PKNOX2: variants seen among roughly 807,000 people sequenced by gnomAD.
PKNOX2 encodes homeobox protein PKNOX2.
Under a neutral mutation model 53.1 loss-of-function variants are expected in PKNOX2, and 14 were observed. The ratio of observed to expected loss-of-function variants is 0.26; its 90% CI spans 0.17 to 0.41. The LOEUF is 0.41. PKNOX2 is among the 10% of genes least tolerant of loss of function. The probability of loss-of-function intolerance (pLI) is 1.00; values close to 1 mark genes in which losing one functional copy is unlikely to be tolerated. For missense variants in PKNOX2, 496 were observed against 602.8 expected (o/e 0.82, Z 1.85); for synonymous variants, 257 against 242.8 (o/e 1.06, Z -0.54).
intron 5 of PKNOX2, among the ~76,000 whole-genome samples, chr11:125,383,445 TAAA>T (rs551704955): frequency 0.014 from 1,679 of 121,794 alleles, 38 homozygotes; most frequent in African/African-American, 0.045. Flanking sequence ...CCCTCTCTGC[TAAA>T]AAAAAAAAAA....
intron 7 of PKNOX2, among the ~76,000 whole-genome samples, chr11:125,405,831 C>T (rs909070365): frequency 3.3e-5 from 5 of 152,264 alleles, no homozygotes; most frequent in Non-Finnish European, 5.9e-5. Flanking sequence ...CCATGGAGCC[C>T]GGCGTGTTGG....
intron 10 of PKNOX2, among the ~76,000 whole-genome samples, chr11:125,421,152 G>A (rs1350341772): frequency 6.6e-6 from 1 of 152,154 alleles, no homozygotes; most frequent in African/African-American, 2.4e-5. Flanking sequence ...ATGTAATTGG[G>A]GAAATAAATG....
At chr11:125,392,881 G>A (rs1181521503) in intron 6 of PKNOX2, among the ~76,000 whole-genome samples, 17 of 152,044 alleles carry the variant, frequency 1.1e-4, no homozygotes, top group East Asian at 1.9e-4. Context: ...AAGTTTGGCC[G>A]GGCGCGGTGG....
chr11:125,291,967 G>A (rs1013192642), intron 2 of PKNOX2, among the ~76,000 whole-genome samples: 4 of 152,156 alleles, frequency 2.6e-5, no homozygotes, highest in Non-Finnish European at 5.9e-5. Context: ...TGGGGTGATG[G>A]AAAAGTTTTG....
intron 1 of PKNOX2, among the ~76,000 whole-genome samples, chr11:125,226,302 C>A (rs1188182046): frequency 6.6e-6 from 1 of 152,130 alleles, no homozygotes; most frequent in African/African-American, 2.4e-5. Context: ...TGATTTTTAA[C>A]CTCTCAGGGG....
intron 6 of PKNOX2, among the ~76,000 whole-genome samples, chr11:125,391,178 C>T (rs998838152): frequency 1.1e-4 from 17 of 152,224 alleles, no homozygotes; most frequent in African/African-American, 3.9e-4. Context: ...TCCCTAATTC[C>T]TGCATGGAGC....
intron 1 of PKNOX2, among the ~76,000 whole-genome samples, chr11:125,180,144 G>A (rs1432843254): frequency 6.6e-6 from 1 of 152,138 alleles, no homozygotes; most frequent in Non-Finnish European, 1.5e-5. Flanking sequence ...ATATCTGCGT[G>A]GCTTGCTAGC....
intron 1 of PKNOX2, among the ~76,000 whole-genome samples, chr11:125,182,056 C>T (rs577310833): frequency 1.2e-4 from 19 of 152,304 alleles, no homozygotes; most frequent in African/African-American, 4.3e-4. Context: ...CTCTCCTCAG[C>T]GGAGTTACTG....
At position 125,240,981 on chromosome 11, in the gene PKNOX2, C is replaced by T. The variant is rs1438630829; in HGVS notation, c.-130+5866C>T. On this transcript the variant is annotated intron_variant, in intron 2 of 12. Coordinates refer to ENST00000298282, the MANE Select transcript of PKNOX2 (RefSeq NM_001382323.2). The surrounding 1 kb of genome is among the most constrained non-coding windows in gnomAD (Gnocchi z 4.3). ...GGAGAGCCTCCCGTATCTGGAGGAG[C>T]CTAGCGCTGTGCTTGCGATAGCTGG... Among the ~76,000 whole-genome samples, 1 of 152,310 alleles carries T rather than the reference C, an allele frequency of 6.6e-6. No individual in the cohort carries two copies. The highest frequency in any genetic ancestry group is 1.9e-4 in the East Asian group (1 of 5,178).
In PKNOX2 at chr11:125,183,803, G is replaced by A. The variant is rs113510560; in HGVS notation, c.-201+19027G>A. Among the ~76,000 whole-genome samples, 108 of 152,234 alleles carry A rather than the reference G, an allele frequency of 7.1e-4. 1 individual carries two copies. The highest frequency in any genetic ancestry group is 2.5e-3 in the African/African-American group (105 of 41,536). On this transcript the variant is annotated intron_variant, in intron 1 of 12. Coordinates refer to ENST00000298282, the MANE Select transcript of PKNOX2 (RefSeq NM_001382323.2). ...TACAGTTGACCTTACTGAGCTGAGG[G>A]CATCAGCAGATTTCATGTGCTCAAT...
intron 2 of PKNOX2, chr11:125,259,012 A>G (rs1185341916): frequency 5.4e-6 from 1 of 183,636 alleles, no homozygotes; most frequent in Non-Finnish European, 1.2e-5. Context: ...TCGGACACAT[A>G]CTAGGATCTC....
rs537144913 is a variant in PKNOX2 at position 125,215,757 on chromosome 11, AAACT to A, written c.-200-19266_-200-19263del. Among the ~76,000 whole-genome samples, 587 of 152,228 alleles carry A rather than the reference AAACT, an allele frequency of 3.9e-3. 2 individuals are homozygous for A. The highest frequency in any genetic ancestry group is 0.012 in the African/African-American group (516 of 41,534). The stretch of plus-strand genomic sequence containing the variant: ...ACAGAGCGAGACTCTGTCTCAAAAT[AAACT>A]AACTAACTAACTAACTAACTATTTC... On this transcript the variant is annotated intron_variant, in intron 1 of 12. Transcript: ENST00000298282.
chr11:125,298,917 C>G (rs908512010), intron 2 of PKNOX2, among the ~76,000 whole-genome samples: 1 of 152,218 alleles, frequency 6.6e-6, no homozygotes, highest in Non-Finnish European at 1.5e-5. Context: ...TTCTCCAGAT[C>G]AAGCCCTGTG....
At chr11:125,218,749 T>A (rs528594577) in intron 1 of PKNOX2, among the ~76,000 whole-genome samples, 3 of 152,254 alleles carry the variant, frequency 2.0e-5, no homozygotes, top group East Asian at 3.9e-4. Context: ...AAGATGTGTA[T>A]CAGTTAGAAA....
At chr11:125,313,835 G>A (rs1037796478) in intron 2 of PKNOX2, among the ~76,000 whole-genome samples, 21 of 152,316 alleles carry the variant, frequency 1.4e-4, no homozygotes, top group African/African-American at 5.1e-4. Context: ...GGTGTCCATG[G>A]TATTGGAAAA....
At chr11:125,343,844 C>T (rs1231470752) in intron 3 of PKNOX2, among the ~76,000 whole-genome samples, 1 of 151,902 alleles carries the variant, frequency 6.6e-6, no homozygotes, top group Admixed American at 6.6e-5. Context: ...GTTGTGAAGC[C>T]CAGTTAAAAA....
chr11:125,285,932 C>G (rs574185835), intron 2 of PKNOX2, among the ~76,000 whole-genome samples: 1 of 152,294 alleles, frequency 6.6e-6, no homozygotes, highest in South Asian at 2.1e-4. Context: ...ATCTCTTCCC[C>G]CTTCACATTC....
intron 10 of PKNOX2, among the ~76,000 whole-genome samples, chr11:125,420,212 A>G (rs1686935404): frequency 8.1e-6 from 1 of 123,456 alleles, no homozygotes; most frequent in Non-Finnish European, 1.7e-5. Flanking sequence ...CCCCCAAAAA[A>G]GCTGAGTTTT....
intron 1 of PKNOX2, among the ~76,000 whole-genome samples, chr11:125,178,476 A>G (rs561717464): frequency 2.7e-5 from 4 of 148,162 alleles, no homozygotes; most frequent in Non-Finnish European, 5.9e-5. Flanking sequence ...GTGCCATTAC[A>G]CTCCAGCCTG....
Sources: allele counts gnomAD v4.1 joint callset (sites outside exome capture counted in the v4.1 genomes callset), GRCh38; gene constraint gnomAD v4.1.1; non-coding constraint Gnocchi (gnomAD v3.1); transcripts MANE v1.5; gene names NCBI Gene and HGNC (gene_info 2026-07-23, HGNC 2026-07-21).